The following DNAH8 variants were observed in gnomAD, a reference collection of about 807,000 sequenced individuals.
DNAH8 encodes the protein dynein axonemal heavy chain 8.
A neutral mutation model predicts 562.1 loss-of-function variants in DNAH8; 382 were observed. The observed-to-expected ratio is 0.68, with a 90% confidence interval of 0.63 to 0.74. DNAH8 has a LOEUF of 0.74. DNAH8 is among the 30% of genes least tolerant of loss of function. The probability of loss-of-function intolerance (pLI) is 0.00; values close to 1 mark genes in which losing one functional copy is unlikely to be tolerated. For missense variants in DNAH8, 5,203 were observed against 5,620.4 expected, an observed-to-expected ratio of 0.93 and a Z score of 2.37; for synonymous variants, 1,881 against 1,919.4, an observed-to-expected ratio of 0.98 and a Z score of 0.52.
At chr6:38,837,151 G>A (rs972098763) in intron 32 of DNAH8, among the ~76,000 whole-genome samples, 2 of 152,106 alleles carry the variant, frequency 1.3e-5, no homozygotes, top group Admixed American at 1.3e-4. Flanking sequence ...GAGTTCATTC[G>A]AGTTCACCTG....
At chr6:38,928,971 T>C (rs1374730775) in intron 74 of DNAH8, among the ~76,000 whole-genome samples, 1 of 152,334 alleles carries the variant, frequency 6.6e-6, no homozygotes, top group African/African-American at 2.4e-5. Context: ...ATAAAGTGAA[T>C]GTCTAGTCTT....
intron 23 of DNAH8, among the ~76,000 whole-genome samples, chr6:38,806,008 C>CA (rs781193168): frequency 3.3e-5 from 5 of 152,174 alleles, no homozygotes; most frequent in Admixed American, 6.5e-5. Flanking sequence ...TTTAAACTAG[C>CA]ATTATGGATG....
chr6:38,942,590 G>A (rs1424598041), intron 79 of DNAH8, among the ~76,000 whole-genome samples: 1 of 152,218 alleles, frequency 6.6e-6, no homozygotes, highest in African/African-American at 2.4e-5. Flanking sequence ...CTGGCACACA[G>A]CAGAGACTAG....
chr6:38,954,009 C>T (rs1583446886), intron 82 of DNAH8, among the ~76,000 whole-genome samples: 3 of 152,006 alleles, frequency 2.0e-5, no homozygotes, highest in African/African-American at 7.3e-5. Flanking sequence ...AATGAATTAA[C>T]CAGCTACCCG....
intron 88 of DNAH8, among the ~76,000 whole-genome samples, chr6:38,998,869 A>G (rs1765306459): frequency 6.6e-6 from 1 of 152,226 alleles, no homozygotes; most frequent in African/African-American, 2.4e-5. Context: ...AGCATTTATG[A>G]GGACTGTTCT....
intron 28 of DNAH8, among the ~76,000 whole-genome samples, chr6:38,825,366 G>T (rs1412098726): frequency 6.6e-6 from 1 of 152,120 alleles, no homozygotes; most frequent in Non-Finnish European, 1.5e-5. Context: ...GGGAAGGATT[G>T]ATAAGGCAGA....
At chr6:38,960,101 C>T (rs1280813888) in intron 82 of DNAH8, among the ~76,000 whole-genome samples, 1 of 151,974 alleles carries the variant, frequency 6.6e-6, no homozygotes, top group Non-Finnish European at 1.5e-5. Context: ...TCTCACCATA[C>T]ACAAAAATCA....
At chr6:38,976,253 C>T (rs903024126) in intron 85 of DNAH8, among the ~76,000 whole-genome samples, 6 of 152,176 alleles carry the variant, frequency 3.9e-5, no homozygotes, top group Non-Finnish European at 8.8e-5. Context: ...GCTTCTGTTT[C>T]CCCATCTGTG....
chr6:39,004,721 A>C (rs1042516287), intron 88 of DNAH8, among the ~76,000 whole-genome samples: 11 of 152,170 alleles, frequency 7.2e-5, no homozygotes, highest in Admixed American at 7.2e-4. Context: ...GCAATTGCTA[A>C]TCTACTTTCT....
chr6:38,800,657 C>T (rs537394659), intron 21 of DNAH8, among the ~76,000 whole-genome samples: 99 of 152,250 alleles, frequency 6.5e-4, no homozygotes, highest in Admixed American at 1.8e-3. Context: ...GCTGGAATTA[C>T]AGGTATGTGC....
Position 38,778,441 on chromosome 6 carries a change from G to A in DNAH8, c.2016G>A (p.Gln672=), listed in dbSNP as rs1442936928. The A allele has an allele frequency of 8.1e-6, 13 of 1,597,004 alleles. No individual in the cohort carries two copies. In the Middle Eastern group the frequency reaches 6.7e-4, roughly 82 times the overall value. Residue 672 remains glutamine, a synonymous_variant, in exon 14 of 93, where the codon CAG becomes CAA. Transcript: ENST00000327475. Reference sequence around the variant, plus strand: ...GTTTTGGGAAAATCTTATCTTCTCAGCAGGCTCTTCAGCTACTTCAAAGGT... The same window carrying A: ...GTTTTGGGAAAATCTTATCTTCTCAACAGGCTCTTCAGCTACTTCAAAGGT... The part of the protein sequence containing the change: ...NSSFGKILSS[Q]QALQLLQRFQ...
chr6:38,926,723 TCAGTGTTTCCTAGACACTGTTCC>T (rs1390781554), intron 74 of DNAH8, among the ~76,000 whole-genome samples: 18 of 152,194 alleles, frequency 1.2e-4, no homozygotes, highest in African/African-American at 4.1e-4. Context: ...TGTGGGATAT[TCAGTGTTTCCTAGACACTGTTCC>T]CAGTGCTCTA....
chr6:38,973,946 A>C, intron 84 of DNAH8, 133 bp downstream of exon 84: 1 of 606,126 alleles, frequency 1.6e-6, no homozygotes, highest in Non-Finnish European at 2.8e-6. Flanking sequence ...ATACTATAAT[A>C]CTATAATCAT....
At chr6:38,817,598 C>T (rs921719253) in intron 26 of DNAH8, among the ~76,000 whole-genome samples, 1 of 152,128 alleles carries the variant, frequency 6.6e-6, no homozygotes. Flanking sequence ...AGGAGTGGCC[C>T]TAAAGGAGAG....
chr6:38,947,022 T>A (rs956033752), intron 80 of DNAH8, among the ~76,000 whole-genome samples: 1 of 152,186 alleles, frequency 6.6e-6, no homozygotes, highest in Non-Finnish European at 1.5e-5. Context: ...TACTATGGGA[T>A]AGGTACTTTG....
chr6:38,805,554 G>C lies in DNAH8; in HGVS notation c.3108G>C (p.Val1036=). 6.2e-7 allele frequency: 1 copy of C among 1,603,662 alleles called. No homozygotes were observed. The highest frequency in any genetic ancestry group is 1.1e-5 in the South Asian group (1 of 90,790). Residue 1036 remains valine, a synonymous_variant, in exon 23 of 93, where the codon GTG becomes GTC. Coordinates refer to ENST00000327475, the MANE Select transcript of DNAH8 (RefSeq NM_001206927.2). ...GENNDYEANI[V]NEFDTHDKED... ...ACAATGACTATGAAGCTAATATTGTGAATGAGTTTGATACTCATGATAAAG... is the reference window on the plus strand; with the variant it reads ...ACAATGACTATGAAGCTAATATTGTCAATGAGTTTGATACTCATGATAAAG...
intron 11 of DNAH8, among the ~76,000 whole-genome samples, chr6:38,768,925 T>C (rs1767291513): frequency 6.6e-6 from 1 of 152,166 alleles, no homozygotes. Context: ...AGTCAGAAAT[T>C]ACTCCCCCCA....
chr6:39,001,883 G>C (rs1231357284), intron 88 of DNAH8, among the ~76,000 whole-genome samples: 1 of 152,162 alleles, frequency 6.6e-6, no homozygotes, highest in Non-Finnish European at 1.5e-5. Context: ...CAGAACTGAA[G>C]GCAGTGGGGA....
In DNAH8 at chr6:38,842,421, G is replaced by A. The variant is rs1276990829; in HGVS notation, c.4520G>A (p.Ser1507Asn). The part of the protein sequence containing the change: ...KLYGLYDTVM[S>N]SISGYYEILW... Reference sequence around the variant, plus strand: ...TATGGATTGTATGACACCGTAATGAGCAGTATTAGTGGTTATTATGAAATA... The same window carrying A: ...TATGGATTGTATGACACCGTAATGAACAGTATTAGTGGTTATTATGAAATA... The change falls in exon 34 of 93, where the codon AGC becomes AAC. Residue 1507 changes from serine (S) to asparagine (N), a missense_variant. By Grantham distance (46) the Ser-to-Asn change is conservative. Around this residue, in one of 6 missense-constraint regions of DNAH8, gnomAD observed 2,176 missense variants for 2,365.1 expected, o/e 0.92. Coordinates refer to ENST00000327475, the MANE Select transcript of DNAH8 (RefSeq NM_001206927.2). 9 of 1,611,524 alleles carry A rather than the reference G, an allele frequency of 5.6e-6. No individual in the cohort carries two copies. The highest frequency in any genetic ancestry group is 6.8e-6 in the Non-Finnish European group (8 of 1,178,376).
Sources: allele counts gnomAD v4.1 joint callset (sites outside exome capture counted in the v4.1 genomes callset), GRCh38; gene constraint gnomAD v4.1.1; regional missense constraint gnomAD v4.1.1; transcripts MANE v1.5; gene names NCBI Gene and HGNC (gene_info 2026-07-23, HGNC 2026-07-21).